ATRNL1: variants seen among roughly 807,000 people sequenced by gnomAD.
ATRNL1 encodes the protein attractin-like protein 1.
In ATRNL1, 95 loss-of-function variants were observed where a neutral mutation model predicts 182.7. The observed-to-expected ratio is 0.52, with a 90% confidence interval of 0.44 to 0.62. ATRNL1 has a LOEUF of 0.62. Ranked by LOEUF, ATRNL1 falls within the 20% of genes least tolerant of loss-of-function variation. The pLI, the probability that ATRNL1 is intolerant of heterozygous loss-of-function variation, is 0.00. For synonymous variants in ATRNL1, 576 were observed against 568.3 expected (o/e 1.01, Z -0.19); for missense variants, 1,471 against 1,679.5 (o/e 0.88, Z 2.17).
chr10:115,587,008 T>C (rs77314207), intron 26 of ATRNL1, among the ~76,000 whole-genome samples: 59,681 of 134,948 alleles, frequency 0.44, 14,726 homozygotes, highest in East Asian at 0.82. Flanking sequence ...TTGGAATACC[T>C]GGCCGTGTGA....
chr10:115,944,172 T>C (rs1464353685), intron 28 of ATRNL1, among the ~76,000 whole-genome samples: 2 of 151,362 alleles, frequency 1.3e-5, no homozygotes, highest in Non-Finnish European at 2.9e-5. Context: ...TAAACCCTAA[T>C]GTAAATTATG....
chr10:115,715,642 C>T (rs1555056050), intron 26 of ATRNL1, among the ~76,000 whole-genome samples: 1 of 152,038 alleles, frequency 6.6e-6, no homozygotes, highest in African/African-American at 2.4e-5. Context: ...TTTAAAGGTT[C>T]AAAGAGAATT....
At chr10:115,878,025 C>G (rs997859324) in intron 28 of ATRNL1, among the ~76,000 whole-genome samples, 4 of 152,154 alleles carry the variant, frequency 2.6e-5, no homozygotes, top group Admixed American at 2.6e-4. Context: ...GGAGCAGCTC[C>G]TGTAGAAGTG....
intron 21 of ATRNL1, among the ~76,000 whole-genome samples, chr10:115,428,585 A>C (rs143263026): frequency 6.6e-6 from 1 of 152,048 alleles, no homozygotes; most frequent in African/African-American, 2.4e-5. Context: ...TACATTTTTT[A>C]TCAGAAATGG....
rs28545713 is a variant in ATRNL1 at position 115,549,100 on chromosome 10, G to A, written c.3717-358G>A. Among the ~76,000 whole-genome samples the A allele has an allele frequency of 6.2e-3, 944 of 151,934 alleles. 11 individuals are homozygous for A. Among genetic ancestry groups the A allele is most frequent in the African/African-American group, 0.021 (871 of 41,464 alleles). On this transcript the variant is annotated intron_variant, in intron 25 of 28. Coordinates refer to ENST00000355044, the MANE Select transcript of ATRNL1 (RefSeq NM_207303.4). ...AATAATATAAATGTACATGTGTGAC[G>A]TTTGGATTTATAAAATTTCCATATT...
At chr10:115,229,473 TG>T (rs1849835806) in intron 9 of ATRNL1, among the ~76,000 whole-genome samples, 1 of 152,118 alleles carries the variant, frequency 6.6e-6, no homozygotes, top group African/African-American at 2.4e-5. Context: ...AAAATTTTGT[TG>T]GCTCTTTATC....
chr10:115,496,990 G>A (rs1849580528), intron 24 of ATRNL1, among the ~76,000 whole-genome samples: 3 of 152,120 alleles, frequency 2.0e-5, no homozygotes, highest in Non-Finnish European at 2.9e-5. Flanking sequence ...GTCTTTCAGC[G>A]ACACCAGTGA....
chr10:115,285,947 GAT>G (rs1852591161), intron 14 of ATRNL1, among the ~76,000 whole-genome samples: 1 of 151,948 alleles, frequency 6.6e-6, no homozygotes, highest in Non-Finnish European at 1.5e-5. Context: ...CAATATACCA[GAT>G]GTTACACAGA....
intron 1 of ATRNL1, among the ~76,000 whole-genome samples, chr10:115,108,949 G>A (rs1564740950): frequency 6.6e-6 from 1 of 152,100 alleles, no homozygotes; most frequent in East Asian, 1.9e-4. Context: ...GTCAAGGATG[G>A]CTATTACTCC....
chr10:115,610,698 G>A (rs1041476159), intron 26 of ATRNL1, among the ~76,000 whole-genome samples: 5 of 152,186 alleles, frequency 3.3e-5, no homozygotes, highest in Admixed American at 2.0e-4. Flanking sequence ...ATAAATTGCT[G>A]TATGTAGAGG....
intron 20 of ATRNL1, among the ~76,000 whole-genome samples, chr10:115,418,493 A>T (rs1272636219): frequency 6.6e-6 from 1 of 152,164 alleles, no homozygotes; most frequent in Non-Finnish European, 1.5e-5. Context: ...TGTTATTAGA[A>T]TTCAAGAAGG....
chr10:115,904,942 C>T (rs552837499), intron 28 of ATRNL1, among the ~76,000 whole-genome samples: 12 of 152,272 alleles, frequency 7.9e-5, no homozygotes, highest in East Asian at 1.9e-4. Context: ...ATACATAAGA[C>T]GAGTTAGGAT....
At chr10:115,296,571 C>A (rs1853203828) in intron 15 of ATRNL1, among the ~76,000 whole-genome samples, 4 of 152,136 alleles carry the variant, frequency 2.6e-5, no homozygotes, top group Admixed American at 2.0e-4. Flanking sequence ...TCTATACAGC[C>A]AAAGCCCTCT....
chr10:115,798,279 C>T (rs1555083508), intron 27 of ATRNL1, among the ~76,000 whole-genome samples: 1 of 152,128 alleles, frequency 6.6e-6, no homozygotes, highest in African/African-American at 2.4e-5. Flanking sequence ...AATCTTGTTT[C>T]TGGAATTTGT....
Position 115,549,528 on chromosome 10 carries a change from C to T in ATRNL1, c.3787C>T (p.Arg1263Trp), listed in dbSNP as rs377484564. ...CAAACAAACTTGTTGGGCTTCTCGA[C>T]GGAGAGAGGTATCAGTAATATTATT... ...KIKQTCWASR[R>W]REQLLRERQQ... The change falls in exon 26 of 29, where the codon CGG becomes TGG. Residue 1263 changes from arginine (R) to tryptophan (W), a missense_variant. Arg to Trp is a moderately radical substitution (Grantham distance 101). Transcript: ENST00000355044. 2.0e-5 allele frequency: 32 copies of T among 1,586,798 alleles called. No individual in the cohort carries two copies. The highest frequency in any genetic ancestry group is 1.7e-4 in the Middle Eastern group (1 of 5,902).
chr10:115,791,728 A>G (rs1312802534), intron 27 of ATRNL1, among the ~76,000 whole-genome samples: 1 of 151,912 alleles, frequency 6.6e-6, no homozygotes, highest in African/African-American at 2.4e-5. Flanking sequence ...CCAACCTTCC[A>G]TCTCTTTCCA....
At chr10:115,517,631 T>C (rs1034021237) in intron 24 of ATRNL1, among the ~76,000 whole-genome samples, 3 of 151,878 alleles carry the variant, frequency 2.0e-5, no homozygotes, top group Non-Finnish European at 4.4e-5. Context: ...TCAAGGTCCT[T>C]ATGCCCCCTT....
At chr10:115,247,044 G>A (rs1423306811) in intron 10 of ATRNL1, among the ~76,000 whole-genome samples, 1 of 152,046 alleles carries the variant, frequency 6.6e-6, no homozygotes, top group African/African-American at 2.4e-5. Context: ...AACTAAAAAT[G>A]GATCAAAACA....
At chr10:115,868,587 C>A (rs1468336963) in intron 28 of ATRNL1, among the ~76,000 whole-genome samples, 1 of 152,094 alleles carries the variant, frequency 6.6e-6, no homozygotes, top group Non-Finnish European at 1.5e-5. Context: ...CTCTCTGCCT[C>A]TCATTTTACA....
Sources: allele counts gnomAD v4.1 joint callset (sites outside exome capture counted in the v4.1 genomes callset), GRCh38; gene constraint gnomAD v4.1.1; transcripts MANE v1.5; gene names NCBI Gene and HGNC (gene_info 2026-07-23, HGNC 2026-07-21).